The following ZBTB20 variants were observed in gnomAD, a reference collection of about 807,000 sequenced individuals.
ZBTB20 encodes zinc finger and BTB domain-containing protein 20.
Under a neutral mutation model 56.9 loss-of-function variants are expected in ZBTB20, and 9 were observed. The observed-to-expected ratio is 0.16, with a 90% CI of 0.10 to 0.28. ZBTB20 has a LOEUF of 0.28. Ranked by LOEUF, ZBTB20 falls within the 10% of genes least tolerant of loss-of-function variation. The pLI, the probability that ZBTB20 is intolerant of heterozygous loss-of-function variation, is 1.00. For synonymous variants in ZBTB20, 417 were observed against 420.7 expected, an observed-to-expected ratio of 0.99 and a Z score of 0.11; for missense variants, 655 against 1,003.0, an observed-to-expected ratio of 0.65 and a Z score of 4.69.
At chr3:114,812,271 T>C (rs1382135653) in intron 4 of ZBTB20, among the ~76,000 whole-genome samples, 1 of 152,152 alleles carries the variant, frequency 6.6e-6, no homozygotes, top group African/African-American at 2.4e-5. Flanking sequence ...GGGTGCTGAT[T>C]GGTGCGTTTA....
chr3:115,106,724 C>T (rs1452203623), intron 1 of ZBTB20, among the ~76,000 whole-genome samples: 1 of 152,074 alleles, frequency 6.6e-6, no homozygotes, highest in African/African-American at 2.4e-5. Context: ...ATTGGAAGTA[C>T]ATTTATTATG....
chr3:115,092,429 C>T (rs1405743620), intron 1 of ZBTB20, among the ~76,000 whole-genome samples: 1 of 152,008 alleles, frequency 6.6e-6, no homozygotes, highest in African/African-American at 2.4e-5. Context: ...TAATACTGGC[C>T]GACTGGGTCT....
chr3:114,780,856 G>A (rs1256697398), intron 5 of ZBTB20, among the ~76,000 whole-genome samples: 1 of 152,096 alleles, frequency 6.6e-6, no homozygotes, highest in Non-Finnish European at 1.5e-5. Flanking sequence ...TTTACCTCTA[G>A]GGAATCATAT....
chr3:115,123,146 C>A (rs1316501924), intron 1 of ZBTB20, among the ~76,000 whole-genome samples: 2 of 152,150 alleles, frequency 1.3e-5, no homozygotes, highest in Non-Finnish European at 2.9e-5. Flanking sequence ...CTCAAATTTA[C>A]ATTCCCCTAA....
At chr3:114,426,670 C>T (rs2089699659) in intron 7 of ZBTB20, among the ~76,000 whole-genome samples, 1 of 152,198 alleles carries the variant, frequency 6.6e-6, no homozygotes, top group Non-Finnish European at 1.5e-5. Flanking sequence ...CCCTCATGCA[C>T]TGAAGAACAT....
At chr3:114,909,660 T>C (rs1486942548) in intron 3 of ZBTB20, among the ~76,000 whole-genome samples, 1 of 151,960 alleles carries the variant, frequency 6.6e-6, no homozygotes, top group African/African-American at 2.4e-5. Flanking sequence ...ACGTGTACAA[T>C]AGGCCATACC....
At chr3:114,400,344 G>C (rs948521819) in intron 7 of ZBTB20, among the ~76,000 whole-genome samples, 3 of 152,168 alleles carry the variant, frequency 2.0e-5, no homozygotes, top group African/African-American at 7.2e-5. Context: ...ATCTTATAAA[G>C]TTGTGAGGCT....
intron 7 of ZBTB20, among the ~76,000 whole-genome samples, chr3:114,404,990 G>C (rs973231912): frequency 6.6e-6 from 1 of 152,030 alleles, no homozygotes; most frequent in African/African-American, 2.4e-5. Flanking sequence ...GTGAAAATTA[G>C]TCCTTGTGAT....
At chr3:114,436,086 G>A (rs143636882) in intron 7 of ZBTB20, among the ~76,000 whole-genome samples, 3 of 152,258 alleles carry the variant, frequency 2.0e-5, no homozygotes, top group Non-Finnish European at 2.9e-5. Context: ...CTTCCCACCC[G>A]CCAACGGTGC....
Position 114,958,402 on chromosome 3 carries a change from T to G in ZBTB20, c.-456+15964A>C, listed in dbSNP as rs374110140. ...GTAACAGTTCAACATTTAAAAATTT[T>G]TTAATGAAGACAAAAATCAGCTGGT... On this transcript the variant is annotated intron_variant, in intron 3 of 11. Coordinates refer to ENST00000675478, the MANE Select transcript of ZBTB20 (RefSeq NM_001348800.3). Among the ~76,000 whole-genome samples, 18 of 152,364 alleles carry G rather than the reference T, an allele frequency of 1.2e-4. No homozygotes were observed. The East Asian group carries it at 1.7e-3, about 15-fold the overall frequency.
intron 3 of ZBTB20, among the ~76,000 whole-genome samples, chr3:114,914,460 T>C (rs1393414084): frequency 2.0e-5 from 3 of 152,114 alleles, no homozygotes; most frequent in African/African-American, 7.2e-5. Flanking sequence ...TGATCAGTTC[T>C]AATAGTTTTC....
In ZBTB20 at chr3:115,066,627, T is replaced by G. The variant is rs1028277862; in HGVS notation, c.-507+4592A>C. ...GAAGTCATTTCCTCACTTAAAACCC[T>G]TCAGAGGATCCCACCTCATTTCTGA... On this transcript the variant is annotated intron_variant, in intron 2 of 11. Coordinates refer to ENST00000675478, the MANE Select transcript of ZBTB20 (RefSeq NM_001348800.3). Among the ~76,000 whole-genome samples, 57 of 152,136 alleles carry G rather than the reference T, an allele frequency of 3.7e-4. 1 individual carries two copies. Among genetic ancestry groups the G allele is most frequent in the African/African-American group, 1.4e-3 (57 of 41,434 alleles).
intron 6 of ZBTB20, among the ~76,000 whole-genome samples, chr3:114,525,757 A>C (rs2047149899): frequency 6.6e-6 from 1 of 152,216 alleles, no homozygotes; most frequent in South Asian, 2.1e-4. Flanking sequence ...TATTCAAAAA[A>C]TACTATGGCC....
At chr3:114,929,825 A>G (rs1355139339) in intron 3 of ZBTB20, among the ~76,000 whole-genome samples, 1 of 152,252 alleles carries the variant, frequency 6.6e-6, no homozygotes, top group African/African-American at 2.4e-5. Flanking sequence ...AACAAGAATA[A>G]GTATTTTAAC....
intron 6 of ZBTB20, among the ~76,000 whole-genome samples, chr3:114,575,027 CAACT>C (rs1208704547): frequency 6.6e-6 from 1 of 152,024 alleles, no homozygotes; most frequent in African/African-American, 2.4e-5. Context: ...ACATCAAAAC[CAACT>C]GTCTACATTT....
intron 3 of ZBTB20, among the ~76,000 whole-genome samples, chr3:114,952,191 T>C (rs750857190): frequency 6.6e-6 from 1 of 152,022 alleles, no homozygotes; most frequent in Non-Finnish European, 1.5e-5. Flanking sequence ...ATTGTAACAG[T>C]GTTGAGTATC....
chr3:114,547,742 T>G lies in ZBTB20; in HGVS notation c.-294-47351A>C, dbSNP rs113295173. Among the ~76,000 whole-genome samples the G allele has an allele frequency of 6.0e-4, 91 of 152,346 alleles. 1 individual carries two copies. The highest frequency in any genetic ancestry group is 2.1e-3 in the African/African-American group (89 of 41,576). On this transcript the variant is annotated intron_variant, in intron 6 of 11. Coordinates refer to ENST00000675478, the MANE Select transcript of ZBTB20 (RefSeq NM_001348800.3). ...TGAAATCTTTATTTCAAGTATTTAT[T>G]AAGTGCATACTAGGTGTAAAGTTTA...
At chr3:114,855,396 T>C (rs1027262014) in intron 4 of ZBTB20, among the ~76,000 whole-genome samples, 6 of 152,240 alleles carry the variant, frequency 3.9e-5, no homozygotes, top group African/African-American at 1.4e-4. Context: ...TCTTATTCTC[T>C]GATCTGCTGA....
At chr3:115,079,076 T>A (rs1230050626) in intron 1 of ZBTB20, among the ~76,000 whole-genome samples, 2 of 152,174 alleles carry the variant, frequency 1.3e-5, no homozygotes, top group African/African-American at 4.8e-5. Context: ...CCATCATGAG[T>A]TCACATATGT....
Sources: allele counts gnomAD v4.1 joint callset (sites outside exome capture counted in the v4.1 genomes callset), GRCh38; gene constraint gnomAD v4.1.1; transcripts MANE v1.5; gene names NCBI Gene and HGNC (gene_info 2026-07-23, HGNC 2026-07-21).